The following PCDH17 variants were observed in gnomAD, a reference collection of about 807,000 sequenced individuals.
PCDH17 encodes the protein protocadherin-17.
A neutral mutation model predicts 67.7 loss-of-function variants in PCDH17; 21 were observed. The ratio of observed to expected loss-of-function variants is 0.31; its 90% CI spans 0.22 to 0.45. The LOEUF is 0.45. Among genes scored for constraint, PCDH17 ranks in the 20% least tolerant of loss-of-function variants. The pLI is 1.00. For missense variants in PCDH17, 1,471 were observed against 1,564.8 expected (o/e 0.94, Z 1.01); for synonymous variants, 701 against 656.7 (o/e 1.07, Z -1.03).
chr13:57,662,176 G>A (rs1039235310), intron 1 of PCDH17, among the ~76,000 whole-genome samples: 26 of 152,062 alleles, frequency 1.7e-4, no homozygotes, highest in African/African-American at 5.8e-4. Flanking sequence ...CCAACAGTAA[G>A]TCTTAAAAGA....
At chr13:57,703,298 A>G (rs565098239) in intron 3 of PCDH17, among the ~76,000 whole-genome samples, 1 of 152,250 alleles carries the variant, frequency 6.6e-6, no homozygotes, top group South Asian at 2.1e-4. Flanking sequence ...AGAGAGGAAA[A>G]CTTATAGATA....
At chr13:57,692,552 A>G (rs1387149016) in intron 3 of PCDH17, among the ~76,000 whole-genome samples, 1 of 151,270 alleles carries the variant, frequency 6.6e-6, no homozygotes, top group Non-Finnish European at 1.5e-5. Flanking sequence ...GCATCTGGGA[A>G]TGTTAAAATG....
At chr13:57,698,518 T>G (rs946433098) in intron 3 of PCDH17, among the ~76,000 whole-genome samples, 1 of 151,916 alleles carries the variant, frequency 6.6e-6, no homozygotes, top group African/African-American at 2.4e-5. Context: ...TTTTACAATA[T>G]GGGCACTATT....
At chr13:57,705,883 C>T (rs1031573726) in intron 3 of PCDH17, among the ~76,000 whole-genome samples, 19 of 151,748 alleles carry the variant, frequency 1.3e-4, no homozygotes, top group Non-Finnish European at 2.4e-4. Flanking sequence ...GGTGTGGTGG[C>T]GCATGCCTGT....
chr13:57,716,149 A>G (rs545982116), intron 3 of PCDH17, among the ~76,000 whole-genome samples: 1 of 151,932 alleles, frequency 6.6e-6, no homozygotes, highest in Non-Finnish European at 1.5e-5. Context: ...GCTGATTTGG[A>G]TTCTATTTAC....
intron 3 of PCDH17, among the ~76,000 whole-genome samples, chr13:57,675,182 A>T (rs887869809): frequency 1.3e-5 from 2 of 151,938 alleles, no homozygotes; most frequent in Non-Finnish European, 2.9e-5. Flanking sequence ...TGAAAGCGCT[A>T]AAATGTCTCA....
chr13:57,651,084 G>A (rs1325826320), intron 1 of PCDH17, among the ~76,000 whole-genome samples: 4 of 152,104 alleles, frequency 2.6e-5, no homozygotes, highest in Non-Finnish European at 5.9e-5. Context: ...AAAAAGGATT[G>A]TGAACCTATA....
intron 1 of PCDH17, among the ~76,000 whole-genome samples, chr13:57,646,289 A>C: frequency 6.6e-6 from 1 of 151,702 alleles, no homozygotes; most frequent in East Asian, 1.9e-4. Flanking sequence ...TGTCCATTTC[A>C]GTATTGTTAT....
In PCDH17 at chr13:57,634,643, G is replaced by C; in HGVS notation, c.2097G>C (p.Gln699His). ...PEGVPRVNGE[Q>H]HHWDMSLPLI... ...GGGTACCACGGGTGAATGGCGAGCAGCACCACTGGGACATGTCGCTGCCGC... is the reference window on the plus strand; with the variant it reads ...GGGTACCACGGGTGAATGGCGAGCACCACCACTGGGACATGTCGCTGCCGC... Residue 699 changes from glutamine (Q) to histidine (H), a missense_variant, in exon 1 of 4, where the codon CAG becomes CAC. This residue lies in a region of PCDH17 where 1,163 missense variants were observed against 1,230.0 expected (regional missense o/e 0.95). Coordinates refer to ENST00000377918, the MANE Select transcript of PCDH17 (RefSeq NM_001040429.3). This position sits in a 1 kb window ranked among gnomAD's most constrained non-coding sequence, Gnocchi z 7.8. 1 of 1,613,348 alleles carries C rather than the reference G, an allele frequency of 6.2e-7. No homozygotes were observed. Among genetic ancestry groups the C allele is most frequent in the East Asian group, 2.2e-5 (1 of 44,828 alleles).
chr13:57,641,727 G>T (rs972509583), intron 1 of PCDH17, among the ~76,000 whole-genome samples: 1 of 148,726 alleles, frequency 6.7e-6, no homozygotes, highest in Non-Finnish European at 1.5e-5. Flanking sequence ...GTAGTGAAAT[G>T]GTTCTTACAG....
intron 1 of PCDH17, among the ~76,000 whole-genome samples, chr13:57,655,113 A>G (rs970432461): frequency 3.9e-5 from 6 of 151,982 alleles, no homozygotes; most frequent in African/African-American, 1.2e-4. Flanking sequence ...CAAGAGTTAA[A>G]AGAAAAACAA....
At chr13:57,686,723 A>G (rs1566235564) in intron 3 of PCDH17, among the ~76,000 whole-genome samples, 2 of 152,058 alleles carry the variant, frequency 1.3e-5, no homozygotes, top group Non-Finnish European at 2.9e-5. Context: ...TAAAGTTTAG[A>G]CTTTAAAACT....
intron 3 of PCDH17, among the ~76,000 whole-genome samples, chr13:57,705,271 T>G (rs1463393084): frequency 6.6e-6 from 1 of 152,040 alleles, no homozygotes; most frequent in East Asian, 1.9e-4. Context: ...CTTTTTTATC[T>G]TAATGAAAAA....
chr13:57,637,301 C>T (rs1954836081), intron 1 of PCDH17, among the ~76,000 whole-genome samples: 1 of 151,804 alleles, frequency 6.6e-6, no homozygotes, highest in Non-Finnish European at 1.5e-5. Context: ...ATTGTTTAAA[C>T]TTTTTTTTAA....
At chr13:57,695,421 GAGAAAGAA>G (rs113739071) in intron 3 of PCDH17, among the ~76,000 whole-genome samples, 26 of 146,966 alleles carry the variant, frequency 1.8e-4, no homozygotes, top group East Asian at 8.1e-4. Context: ...GATAAAATGA[GAGAAAGAA>G]AGAAAGAAAG....
intron 1 of PCDH17, among the ~76,000 whole-genome samples, chr13:57,641,937 T>A (rs1466006334): frequency 6.6e-6 from 1 of 151,590 alleles, no homozygotes; most frequent in East Asian, 1.9e-4. Context: ...CTAATCTACA[T>A]AAATAGACTT....
At chr13:57,681,221 C>T (rs564887080) in intron 3 of PCDH17, among the ~76,000 whole-genome samples, 1 of 151,774 alleles carries the variant, frequency 6.6e-6, no homozygotes, top group Admixed American at 6.6e-5. Context: ...ATCCCTTTTA[C>T]TTATTTACAA....
At chr13:57,657,341 C>T (rs905362252) in intron 1 of PCDH17, among the ~76,000 whole-genome samples, 1 of 152,066 alleles carries the variant, frequency 6.6e-6, no homozygotes, top group African/African-American at 2.4e-5. Context: ...CCTTTAGTAG[C>T]AAAACACAAA....
intron 3 of PCDH17, among the ~76,000 whole-genome samples, chr13:57,715,754 G>A (rs987377651): frequency 4.6e-5 from 7 of 151,604 alleles, no homozygotes; most frequent in Admixed American, 1.3e-4. Flanking sequence ...AATACCTAGC[G>A]AATCTCTTTT....
Sources: allele counts gnomAD v4.1 joint callset (sites outside exome capture counted in the v4.1 genomes callset), GRCh38; gene constraint gnomAD v4.1.1; regional missense constraint gnomAD v4.1.1; non-coding constraint Gnocchi (gnomAD v3.1); transcripts MANE v1.5; gene names NCBI Gene and HGNC (gene_info 2026-07-23, HGNC 2026-07-21).